The following CMIP variants were observed in gnomAD, a reference collection of about 807,000 sequenced individuals.
The protein encoded by CMIP is c-Maf inducing protein.
A neutral mutation model predicts 97.3 loss-of-function variants in CMIP; 13 were observed. That is an observed-to-expected ratio of 0.13 (90% CI 0.09 to 0.21). The LOEUF is 0.21. Ranked by LOEUF, CMIP falls within the 10% of genes least tolerant of loss-of-function variation. The probability of loss-of-function intolerance (pLI) is 1.00; values close to 1 mark genes in which losing one functional copy is unlikely to be tolerated. For synonymous variants in CMIP, 538 were observed against 436.3 expected (o/e 1.23, Z -2.91); for missense variants, 847 against 1,024.9 (o/e 0.83, Z 2.37).
intron 1 of CMIP, among the ~76,000 whole-genome samples, chr16:81,605,064 G>T (rs1254756866): frequency 6.6e-6 from 1 of 152,180 alleles, no homozygotes; most frequent in Non-Finnish European, 1.5e-5. Context: ...TTTGAATATG[G>T]GTGAGGAAAA....
At chr16:81,542,581 C>T (rs1162366956) in intron 1 of CMIP, among the ~76,000 whole-genome samples, 1 of 152,178 alleles carries the variant, frequency 6.6e-6, no homozygotes, top group Non-Finnish European at 1.5e-5. Flanking sequence ...ACACCATAGA[C>T]TGGGTGGCTT....
chr16:81,655,271 C>T lies in CMIP; in HGVS notation c.640-2504C>T. 6.6e-6 allele frequency among the ~76,000 whole-genome samples: 1 copy of T among 152,146 alleles called. No individual in the cohort carries two copies. The highest frequency in any genetic ancestry group is 1.9e-4 in the East Asian group (1 of 5,184). On this transcript the variant is annotated intron_variant, in intron 4 of 20. Coordinates refer to ENST00000537098, the MANE Select transcript of CMIP (RefSeq NM_198390.3). This position sits in a 1 kb window ranked among gnomAD's most constrained non-coding sequence, Gnocchi z 4.9. ...TTTGCCCAAGTTGTTTGCAAGGCCT[C>T]CTCTGGAGAGGTTCCAGGCATCACC... is the stretch of plus-strand genomic sequence containing the variant.
intron 1 of CMIP, among the ~76,000 whole-genome samples, chr16:81,587,815 TCAGATGTTTTGGG>T (rs1326922512): frequency 2.6e-5 from 4 of 152,182 alleles, no homozygotes; most frequent in African/African-American, 9.7e-5. Context: ...GGTGAGAGCC[TCAGATGTTTTGGG>T]CCTGACTGTC....
chr16:81,679,796 C>A (rs140664936), intron 10 of CMIP, among the ~76,000 whole-genome samples: 2 of 152,100 alleles, frequency 1.3e-5, no homozygotes, highest in African/African-American at 4.8e-5. Context: ...CCTTGCCATC[C>A]ACACGCTCCA....
intron 15 of CMIP, among the ~76,000 whole-genome samples, 185 bp from the exon 16 acceptor site, chr16:81,701,475 C>A (rs950522300): frequency 6.6e-6 from 1 of 152,212 alleles, no homozygotes; most frequent in African/African-American, 2.4e-5. Context: ...AGTGCGTGGT[C>A]ACTGGTGCTA....
At chr16:81,577,234 C>T (rs1224927933) in intron 1 of CMIP, among the ~76,000 whole-genome samples, 1 of 150,684 alleles carries the variant, frequency 6.6e-6, no homozygotes, top group Non-Finnish European at 1.5e-5. Context: ...CCATCATCCC[C>T]ATTACCACTA....
At chr16:81,480,338 G>T (rs1567536469) in intron 1 of CMIP, among the ~76,000 whole-genome samples, 1 of 152,174 alleles carries the variant, frequency 6.6e-6, no homozygotes, top group Non-Finnish European at 1.5e-5. Context: ...TCAGGAGTTT[G>T]AGACCAGCCT....
At chr16:81,639,050 C>G (rs752255343) in intron 3 of CMIP, among the ~76,000 whole-genome samples, 1 of 152,062 alleles carries the variant, frequency 6.6e-6, no homozygotes, top group Non-Finnish European at 1.5e-5. Flanking sequence ...AGGATTGTTC[C>G]TGTGTGTGTG....
At chr16:81,485,511 A>G (rs1489528119) in intron 1 of CMIP, among the ~76,000 whole-genome samples, 2 of 152,234 alleles carry the variant, frequency 1.3e-5, no homozygotes, top group Admixed American at 1.3e-4. Context: ...GTGATTCTAC[A>G]GTGTGGCCTG....
chr16:81,529,568 A>C lies in CMIP; in HGVS notation c.301-77999A>C, dbSNP rs544790444. 5.9e-5 allele frequency among the ~76,000 whole-genome samples: 9 copies of C among 152,278 alleles called. No individual in the cohort carries two copies. The South Asian group carries it at 1.9e-3, about 32-fold the overall frequency. ...AATGGAATATGCTGCCTGCAGGATG[A>C]AGAGGATTCCGCAGAGGAGACTGGG... On this transcript the variant is annotated intron_variant, in intron 1 of 20. Coordinates refer to ENST00000537098, the MANE Select transcript of CMIP (RefSeq NM_198390.3).
intron 1 of CMIP, among the ~76,000 whole-genome samples, chr16:81,457,718 G>A (rs1014074622): frequency 6.6e-6 from 1 of 152,250 alleles, no homozygotes; most frequent in African/African-American, 2.4e-5. Flanking sequence ...GGGCTGGCAT[G>A]TGACAGAGCT....
At chr16:81,488,154 G>A (rs1299310365) in intron 1 of CMIP, among the ~76,000 whole-genome samples, 2 of 151,936 alleles carry the variant, frequency 1.3e-5, no homozygotes, top group Non-Finnish European at 2.9e-5. Flanking sequence ...CTAAAGATGA[G>A]TACATTGTTA....
intron 14 of CMIP, among the ~76,000 whole-genome samples, chr16:81,699,152 G>A (rs949073489): frequency 6.6e-6 from 1 of 152,178 alleles, no homozygotes; most frequent in African/African-American, 2.4e-5. Flanking sequence ...TACTAGGGAG[G>A]CTGAGGTGGG....
chr16:81,525,047 C>T (rs1029809231), intron 1 of CMIP, among the ~76,000 whole-genome samples: 12 of 152,144 alleles, frequency 7.9e-5, no homozygotes, highest in African/African-American at 2.2e-4. Flanking sequence ...CCGCCCACCT[C>T]GGCCTCCCAA....
chr16:81,500,268 T>TCCG (rs2089575136), intron 1 of CMIP, among the ~76,000 whole-genome samples: 4 of 118,604 alleles, frequency 3.4e-5, no homozygotes, highest in African/African-American at 1.4e-4. Flanking sequence ...CCTTCCTTCC[T>TCCG]TCCGTCCTTC....
At chr16:81,446,947 G>A (rs570200570) in intron 1 of CMIP, among the ~76,000 whole-genome samples, 8 of 150,748 alleles carry the variant, frequency 5.3e-5, no homozygotes, top group South Asian at 2.1e-4. Flanking sequence ...CTGTGGGCAC[G>A]TTGGTGCAAT....
intron 3 of CMIP, among the ~76,000 whole-genome samples, chr16:81,636,653 G>A (rs548951029): frequency 1.1e-3 from 165 of 151,090 alleles, no homozygotes; most frequent in African/African-American, 3.5e-3. Flanking sequence ...CAATATCACC[G>A]TCATGATTCC....
intron 2 of CMIP, among the ~76,000 whole-genome samples, chr16:81,608,405 A>T (rs1021069939): frequency 6.6e-6 from 1 of 152,148 alleles, no homozygotes. Flanking sequence ...CATTGGCAGA[A>T]TCTCACCATG....
intron 1 of CMIP, among the ~76,000 whole-genome samples, chr16:81,579,810 G>C (rs2091264972): frequency 6.6e-6 from 1 of 152,144 alleles, no homozygotes; most frequent in South Asian, 2.1e-4. Flanking sequence ...AAAAAAATTA[G>C]CTGGGCGTGG....
Sources: allele counts gnomAD v4.1 joint callset (sites outside exome capture counted in the v4.1 genomes callset), GRCh38; gene constraint gnomAD v4.1.1; non-coding constraint Gnocchi (gnomAD v3.1); transcripts MANE v1.5; gene names NCBI Gene and HGNC (gene_info 2026-07-23, HGNC 2026-07-21).